TSGA10: variants seen among roughly 807,000 people sequenced by gnomAD.
TSGA10 encodes testis-specific gene 10 protein.
Under a neutral mutation model 96.6 loss-of-function variants are expected in TSGA10, and 43 were observed. The observed-to-expected ratio is 0.44, with a 90% CI of 0.35 to 0.57. TSGA10 has a LOEUF of 0.57. Among genes scored for constraint, TSGA10 ranks in the 20% least tolerant of loss-of-function variants. The pLI is 0.01. For synonymous variants in TSGA10, 229 were observed against 269.9 expected (o/e 0.85, Z 1.48); for missense variants, 703 against 834.4 (o/e 0.84, Z 1.94).
chr2:99,148,449 A>G (rs1301938667), intron 1 of TSGA10: 4 of 152,186 alleles, frequency 2.6e-5, no homozygotes, highest in Non-Finnish European at 4.4e-5. Context: ...TATACTATTT[A>G]CCTAATTGTT....
At chr2:99,072,073 A>T (rs939163999) in intron 13 of TSGA10, among the ~76,000 whole-genome samples, 199 bp from the exon 14 acceptor site, 3 of 152,246 alleles carry the variant, frequency 2.0e-5, no homozygotes, top group Non-Finnish European at 4.4e-5. Context: ...TATGAAAAGG[A>T]TACAAAGTAT....
At chr2:99,086,146 C>T (rs899233821) in intron 10 of TSGA10, among the ~76,000 whole-genome samples, 1 of 152,114 alleles carries the variant, frequency 6.6e-6, no homozygotes, top group Admixed American at 6.6e-5. Context: ...CATAACAAAC[C>T]TATACATGTA....
chr2:99,144,090 C>T lies in TSGA10; in HGVS notation c.-621+10603G>A, dbSNP rs551818128. 1.8e-3 allele frequency among the ~76,000 whole-genome samples: 271 copies of T among 152,216 alleles called. 1 individual carries two copies. Among genetic ancestry groups the T allele is most frequent in the Non-Finnish European group, 1.8e-3 (120 of 67,998 alleles). On this transcript the variant is annotated intron_variant, in intron 1 of 20. Transcript: ENST00000393483. ...GGCTGGAGTGCAGTGGCGCGATCTCCGCTCACTGGAAGCTCTGCCTCGCGG... is the reference window on the plus strand; with the variant it reads ...GGCTGGAGTGCAGTGGCGCGATCTCTGCTCACTGGAAGCTCTGCCTCGCGG...
intron 1 of TSGA10, among the ~76,000 whole-genome samples, chr2:99,128,218 C>T (rs1036848504): frequency 6.6e-6 from 1 of 152,096 alleles, no homozygotes; most frequent in African/African-American, 2.4e-5. Flanking sequence ...TTAGACAGGC[C>T]GGCAGATTTA....
Position 99,020,290 on chromosome 2 carries a change from C to CT in TSGA10, c.1806dup (p.Glu603ArgfsTer3). On this transcript the variant is annotated frameshift_variant, in exon 18 of 21. Transcript: ENST00000393483. LOFTEE classifies it high-confidence loss of function. ...TGCTAAACAACTCACATTTTATTTT[C>CT]TGCCAAACAAAGGTGTTCTTTAAGA... 1 of 1,612,636 alleles carries CT rather than the reference C, an allele frequency of 6.2e-7. No homozygotes were observed. The highest frequency in any genetic ancestry group is 1.1e-5 in the South Asian group (1 of 90,948).
At chr2:99,005,402 C>T (rs1452673605) in intron 20 of TSGA10, among the ~76,000 whole-genome samples, 1 of 152,214 alleles carries the variant, frequency 6.6e-6, no homozygotes, top group Non-Finnish European at 1.5e-5. Flanking sequence ...CCCATTGTCT[C>T]AGCCCAAAAT....
chr2:99,023,007 T>C (rs1249284854), intron 17 of TSGA10, among the ~76,000 whole-genome samples: 2 of 152,140 alleles, frequency 1.3e-5, no homozygotes, highest in Admixed American at 1.3e-4. Context: ...TTGCCTAATT[T>C]TTTAGTTGGG....
chr2:99,106,553 T>TA (rs34383742), intron 7 of TSGA10, among the ~76,000 whole-genome samples: 15 of 147,880 alleles, frequency 1.0e-4, no homozygotes, highest in African/African-American at 1.7e-4. Flanking sequence ...TGCGACACAT[T>TA]AAAAAAAAAA....
At chr2:99,101,647 A>C (rs528564159) in intron 10 of TSGA10, among the ~76,000 whole-genome samples, 1 of 152,222 alleles carries the variant, frequency 6.6e-6, no homozygotes, top group Non-Finnish European at 1.5e-5. Context: ...TAACATTAAC[A>C]AAGAATTATA....
intron 16 of TSGA10, among the ~76,000 whole-genome samples, chr2:99,049,372 C>G (rs764866587): frequency 2.0e-5 from 3 of 152,154 alleles, no homozygotes; most frequent in Non-Finnish European, 4.4e-5. Context: ...AAATGTGGCA[C>G]ATATACGCTA....
At chr2:99,059,682 AG>A (rs1361028641) in intron 16 of TSGA10, among the ~76,000 whole-genome samples, 1 of 151,024 alleles carries the variant, frequency 6.6e-6, no homozygotes, top group Non-Finnish European at 1.5e-5. Context: ...TTGTAAGACA[AG>A]GGAATGTTTT....
chr2:99,068,190 A>G (rs2085489284), intron 15 of TSGA10, among the ~76,000 whole-genome samples: 1 of 152,204 alleles, frequency 6.6e-6, no homozygotes, highest in Non-Finnish European at 1.5e-5. Flanking sequence ...TGCATACCAT[A>G]AATAAATGTT....
chr2:99,055,303 G>A (rs2083847736), intron 16 of TSGA10, among the ~76,000 whole-genome samples: 2 of 152,264 alleles, frequency 1.3e-5, no homozygotes, highest in South Asian at 4.1e-4. Context: ...ATCTAAAAAA[G>A]TTGAGCTCAT....
Position 99,088,161 on chromosome 2 carries a change from T to C in TSGA10, c.612-6764A>G, listed in dbSNP as rs138450224. Among the ~76,000 whole-genome samples the C allele has an allele frequency of 2.5e-3, 375 of 152,336 alleles. 2 individuals carry two copies. The highest frequency in any genetic ancestry group is 8.6e-3 in the African/African-American group (356 of 41,584). On this transcript the variant is annotated intron_variant, in intron 10 of 20. Transcript: ENST00000393483. ...CAAAGCTAGTACAATTCTAGACTCC[T>C]ATGAATCTAAGAGAGATGATAATTC...
intron 1 of TSGA10, among the ~76,000 whole-genome samples, chr2:99,142,702 A>G (rs1201452063): frequency 6.6e-6 from 1 of 152,224 alleles, no homozygotes; most frequent in East Asian, 1.9e-4. Context: ...AAAATAACAA[A>G]CTGAGAAGTT....
chr2:99,004,856 C>A (rs1238530189), intron 20 of TSGA10, among the ~76,000 whole-genome samples: 4 of 152,182 alleles, frequency 2.6e-5, no homozygotes, highest in Admixed American at 1.3e-4. Flanking sequence ...GAATTTTAGA[C>A]CAATATCCTT....
chr2:99,058,527 CAATTA>C (rs149082373), intron 16 of TSGA10, among the ~76,000 whole-genome samples: 2,750 of 151,922 alleles, frequency 0.018, 84 homozygotes, highest in African/African-American at 0.063. Flanking sequence ...AGAGAAAAAT[CAATTA>C]AATTAATACT....
chr2:99,089,102 G>A (rs1326288275), intron 10 of TSGA10, among the ~76,000 whole-genome samples: 1 of 152,136 alleles, frequency 6.6e-6, no homozygotes, highest in Non-Finnish European at 1.5e-5. Context: ...TGGGAAATGG[G>A]GATCATCCAC....
intron 13 of TSGA10, among the ~76,000 whole-genome samples, chr2:99,072,771 A>G (rs2086132780): frequency 6.6e-6 from 1 of 152,152 alleles, no homozygotes; most frequent in Non-Finnish European, 1.5e-5. Context: ...GTAGGTCAAG[A>G]GGCTTGTCAA....
Sources: allele counts gnomAD v4.1 joint callset (sites outside exome capture counted in the v4.1 genomes callset), GRCh38; gene constraint gnomAD v4.1.1; transcripts MANE v1.5; gene names NCBI Gene and HGNC (gene_info 2026-07-23, HGNC 2026-07-21).